The following LRRTM4 variants were observed in gnomAD, a reference collection of about 807,000 sequenced individuals.
LRRTM4 encodes the protein leucine-rich repeat transmembrane neuronal protein 4.
A neutral mutation model predicts 47.6 loss-of-function variants in LRRTM4; 25 were observed. The ratio of observed to expected loss-of-function variants is 0.53; its 90% CI spans 0.38 to 0.73. The LOEUF is 0.73. LRRTM4 is among the 30% of genes least tolerant of loss of function. The pLI, the probability that LRRTM4 is intolerant of heterozygous loss-of-function variation, is 0.00. For synonymous variants in LRRTM4, 311 were observed against 269.5 expected (o/e 1.15, Z -1.51); for missense variants, 638 against 713.4 (o/e 0.89, Z 1.20).
At chr2:77,022,616 A>G (rs1044690485) in intron 3 of LRRTM4, among the ~76,000 whole-genome samples, 1 of 152,188 alleles carries the variant, frequency 6.6e-6, no homozygotes, top group Admixed American at 6.5e-5. Flanking sequence ...TCCAAAACAA[A>G]GGGGCTACAG....
At chr2:76,926,510 G>A (rs780295089) in intron 3 of LRRTM4, among the ~76,000 whole-genome samples, 5 of 152,162 alleles carry the variant, frequency 3.3e-5, no homozygotes, top group Non-Finnish European at 7.4e-5. Context: ...CTACCGAAAA[G>A]CACATATTGG....
chr2:76,945,330 T>G (rs1019595409), intron 3 of LRRTM4, among the ~76,000 whole-genome samples: 1 of 152,068 alleles, frequency 6.6e-6, no homozygotes, highest in Non-Finnish European at 1.5e-5. Context: ...TTTATCGGTC[T>G]CAGAGTAACA....
intron 3 of LRRTM4, among the ~76,000 whole-genome samples, chr2:76,863,766 T>G (rs548942456): frequency 6.6e-6 from 1 of 152,330 alleles, no homozygotes; most frequent in South Asian, 2.1e-4. Context: ...TAATTGTTTT[T>G]TACATGTTTA....
At chr2:77,285,882 G>T (rs1355553556) in intron 3 of LRRTM4, among the ~76,000 whole-genome samples, 1 of 151,946 alleles carries the variant, frequency 6.6e-6, no homozygotes, top group Non-Finnish European at 1.5e-5. Flanking sequence ...AAGTCATATT[G>T]GTTAGTAACA....
At chr2:77,306,930 C>T (rs1341639601) in intron 3 of LRRTM4, among the ~76,000 whole-genome samples, 9 of 107,566 alleles carry the variant, frequency 8.4e-5, no homozygotes, top group African/African-American at 4.3e-4. Flanking sequence ...GATGGAGTCT[C>T]GCTCTGTCGC....
chr2:77,178,426 A>G (rs1673258007), intron 3 of LRRTM4, among the ~76,000 whole-genome samples: 1 of 152,064 alleles, frequency 6.6e-6, no homozygotes. Flanking sequence ...TCTCTACCGA[A>G]AAAACAAAAA....
In LRRTM4 at chr2:77,519,215, G is replaced by A; in HGVS notation, c.654C>T (p.Ser218=). The change falls in exon 3 of 4, where the codon TCC becomes TCT. Residue 218 remains serine (S), a synonymous_variant. Transcript: ENST00000409884. This position sits in a 1 kb window ranked among gnomAD's most constrained non-coding sequence, Gnocchi z 4.6. ...KELHLEHNQF[S]KINFAHFPRL... is the part of the protein sequence containing the mutation. ...GTGGAAAATGAGCAAAGTTGATCTT[G>A]GAAAACTGGTTGTGCTCCAGGTGGA... The A allele has an allele frequency of 6.2e-7, 1 of 1,613,284 alleles. No individual in the cohort carries two copies. The highest frequency in any genetic ancestry group is 1.1e-5 in the South Asian group (1 of 91,072).
Position 77,521,748 on chromosome 2 carries a change from C to A in LRRTM4, c.-77G>T. 2.0e-6 allele frequency: 3 copies of A among 1,527,734 alleles called. No homozygotes were observed. The highest frequency in any genetic ancestry group is 2.7e-6 in the Non-Finnish European group (3 of 1,104,514). 94.6% of individuals were successfully genotyped at this position (1,527,734 alleles called of 1,614,324 possible). A position where few individuals can be genotyped will look rare whatever the true frequency, so the allele number is the denominator to read the frequency against. On this transcript the variant is annotated 5_prime_UTR_variant, in exon 2 of 4. Coordinates refer to ENST00000409884, the MANE Select transcript of LRRTM4 (RefSeq NM_001134745.3). Reference sequence around the variant, plus strand: ...GTCTCTTGTGCGGAAACCACCACCACCTTCATGACACAGTGCGGCTGTCAT... The same window carrying A: ...GTCTCTTGTGCGGAAACCACCACCAACTTCATGACACAGTGCGGCTGTCAT...
chr2:77,130,699 G>A (rs1287505641), intron 3 of LRRTM4, among the ~76,000 whole-genome samples: 4 of 150,984 alleles, frequency 2.6e-5, no homozygotes, highest in Non-Finnish European at 4.4e-5. Flanking sequence ...TTTTAGTAGA[G>A]ACGGGGTTTC....
chr2:76,899,658 A>T (rs1673554343), intron 3 of LRRTM4, among the ~76,000 whole-genome samples: 1 of 152,150 alleles, frequency 6.6e-6, no homozygotes, highest in Middle Eastern at 3.2e-3. Flanking sequence ...TAATAGAAAA[A>T]TTATTAAAAC....
chr2:77,426,730 T>A (rs1209055117), intron 3 of LRRTM4, among the ~76,000 whole-genome samples: 1 of 152,084 alleles, frequency 6.6e-6, no homozygotes, highest in African/African-American at 2.4e-5. Flanking sequence ...GATTTCTGCA[T>A]GCTCTCTGTC....
intron 3 of LRRTM4, among the ~76,000 whole-genome samples, chr2:76,854,938 C>G (rs1372100291): frequency 7.0e-6 from 1 of 143,728 alleles, no homozygotes; most frequent in Non-Finnish European, 1.5e-5. Context: ...AAGAAAGAAA[C>G]AGTAGAGCAG....
chr2:76,803,656 T>C (rs142718966), intron 3 of LRRTM4, among the ~76,000 whole-genome samples: 5 of 152,084 alleles, frequency 3.3e-5, no homozygotes, highest in African/African-American at 1.2e-4. Flanking sequence ...TTTTAAAGAG[T>C]ATTTGAAGAA....
intron 3 of LRRTM4, among the ~76,000 whole-genome samples, chr2:76,933,885 C>G (rs1027582110): frequency 1.3e-5 from 2 of 152,028 alleles, no homozygotes; most frequent in African/African-American, 4.8e-5. Context: ...AACCCTTTAC[C>G]CCAAATTTAC....
At chr2:77,249,294 G>A (rs1675537458) in intron 3 of LRRTM4, among the ~76,000 whole-genome samples, 1 of 151,956 alleles carries the variant, frequency 6.6e-6, no homozygotes, top group Non-Finnish European at 1.5e-5. Flanking sequence ...AGGTTGCAGT[G>A]AGCCGATATT....
chr2:76,823,093 A>T (rs1671097550), intron 3 of LRRTM4, among the ~76,000 whole-genome samples: 2 of 151,466 alleles, frequency 1.3e-5, no homozygotes, highest in South Asian at 4.1e-4. Flanking sequence ...ACAAAATAAA[A>T]AGGGTTAATT....
intron 3 of LRRTM4, among the ~76,000 whole-genome samples, chr2:76,991,723 C>G (rs1050526138): frequency 6.6e-6 from 1 of 151,676 alleles, no homozygotes; most frequent in South Asian, 2.1e-4. Flanking sequence ...AGAGCTGGTA[C>G]CAATTCTACT....
At chr2:76,935,287 A>C (rs1221146785) in intron 3 of LRRTM4, among the ~76,000 whole-genome samples, 1 of 152,154 alleles carries the variant, frequency 6.6e-6, no homozygotes, top group Non-Finnish European at 1.5e-5. Context: ...AGGTAGTGTG[A>C]TGCCTCCAGC....
chr2:77,463,087 T>G (rs1198254950), intron 3 of LRRTM4, among the ~76,000 whole-genome samples: 5 of 152,102 alleles, frequency 3.3e-5, no homozygotes, highest in Admixed American at 1.3e-4. Flanking sequence ...TGTCATTGTG[T>G]GAACATCATA....
Sources: gnomAD v4.1 joint callset for allele counts (sites outside exome capture counted in the v4.1 genomes callset) on GRCh38, gnomAD v4.1.1 for gene constraint, Gnocchi (gnomAD v3.1) non-coding constraint, MANE v1.5 for transcripts, NCBI Gene and HGNC (gene_info 2026-07-23, HGNC 2026-07-21) for gene names.